Variants in LDLRAD4 observed in about 807,000 individuals in gnomAD.
LDLRAD4 encodes the protein low-density lipoprotein receptor class A domain-containing protein 4.
LDLRAD4 carries 5 observed loss-of-function variants against 17.0 expected under a neutral mutation model. The observed-to-expected ratio is 0.29, with a 90% CI of 0.15 to 0.62. The LOEUF (loss-of-function observed/expected upper bound fraction) is 0.62. LDLRAD4 is among the 20% of genes least tolerant of loss of function. The probability of loss-of-function intolerance (pLI) is 0.84; values close to 1 mark genes in which losing one functional copy is unlikely to be tolerated. For missense variants in LDLRAD4, 340 were observed against 424.7 expected, an observed-to-expected ratio of 0.80 and a Z score of 1.75; for synonymous variants, 168 against 171.8, an observed-to-expected ratio of 0.98 and a Z score of 0.17.
rs975314369 is a variant in LDLRAD4 at position 13,314,188 on chromosome 18, A to G, written c.-383+36000A>G. 1.2e-4 allele frequency among the ~76,000 whole-genome samples: 19 copies of G among 152,140 alleles called. 1 individual carries two copies. Among genetic ancestry groups the G allele is most frequent in the African/African-American group, 4.3e-4 (18 of 41,414 alleles). ...AGATAACTTAGTACGATTTATGGTG[A>G]TTTTGGCATGTTTCCTAATGGCTCT... is the stretch of plus-strand genomic sequence containing the variant. On this transcript the variant is annotated intron_variant, in intron 1 of 5. Coordinates refer to ENST00000359446, the Ensembl canonical transcript of LDLRAD4.
At chr18:13,224,458 GTTTC>G (rs1555621185) in intron 1 of LDLRAD4, among the ~76,000 whole-genome samples, 2 of 134,058 alleles carry the variant, frequency 1.5e-5, no homozygotes, top group African/African-American at 5.5e-5. Flanking sequence ...GAGCACTATA[GTTTC>G]TTTCTTTCTT....
intron 3 of LDLRAD4, among the ~76,000 whole-genome samples, chr18:13,472,879 T>C (rs898638358): frequency 6.6e-6 from 1 of 152,230 alleles, no homozygotes; most frequent in Non-Finnish European, 1.5e-5. Context: ...TTTTCTTGAG[T>C]AATGTGTAGA....
chr18:13,598,885 A>G (rs1451767428), intron 3 of LDLRAD4, among the ~76,000 whole-genome samples: 1 of 152,168 alleles, frequency 6.6e-6, no homozygotes, highest in Non-Finnish European at 1.5e-5. Context: ...GACACTGGGT[A>G]GAGGTAGTAG....
intron 3 of LDLRAD4, among the ~76,000 whole-genome samples, chr18:13,604,694 T>C (rs957636411): frequency 5.3e-5 from 8 of 152,136 alleles, no homozygotes; most frequent in Admixed American, 5.2e-4. Flanking sequence ...AAATAAAATA[T>C]TTTCCTGAGT....
At chr18:13,516,995 A>C (rs1373365864) in intron 3 of LDLRAD4, among the ~76,000 whole-genome samples, 11 of 152,158 alleles carry the variant, frequency 7.2e-5, no homozygotes. Context: ...GACTACAGGC[A>C]CATGCTGCCA....
Position 13,430,303 on chromosome 18 carries a change from C to T in LDLRAD4, c.41-7941C>T, listed in dbSNP as rs550305116. 1.4e-4 allele frequency among the ~76,000 whole-genome samples: 21 copies of T among 152,318 alleles called. No individual in the cohort carries two copies. The South Asian group carries it at 3.1e-3, about 23-fold the overall frequency. On this transcript the variant is annotated intron_variant, in intron 2 of 5. Transcript: ENST00000359446. Reference sequence around the variant, plus strand: ...AGTGGGCGACGTGGAGCTCCTGTTGCGCTTCATGATTGATGCTGCTTTCTC... The same window carrying T: ...AGTGGGCGACGTGGAGCTCCTGTTGTGCTTCATGATTGATGCTGCTTTCTC...
At chr18:13,329,172 C>T (rs554143289) in intron 1 of LDLRAD4, among the ~76,000 whole-genome samples, 37 of 152,206 alleles carry the variant, frequency 2.4e-4, no homozygotes, top group Admixed American at 3.9e-4. Context: ...GGATACATTC[C>T]CAGAAGTGAA....
At chr18:13,528,871 T>C (rs994100496) in intron 3 of LDLRAD4, among the ~76,000 whole-genome samples, 2 of 152,212 alleles carry the variant, frequency 1.3e-5, no homozygotes, top group Non-Finnish European at 2.9e-5. Context: ...CTGATTCTGA[T>C]GTTGGGAGTG....
At chr18:13,400,445 T>C (rs528044191) in intron 2 of LDLRAD4, among the ~76,000 whole-genome samples, 1 of 152,192 alleles carries the variant, frequency 6.6e-6, no homozygotes, top group Non-Finnish European at 1.5e-5. Context: ...CCACCTGTCA[T>C]GGCACTGGGA....
chr18:13,241,780 C>T (rs1004015842), intron 1 of LDLRAD4: 2 of 152,290 alleles, frequency 1.3e-5, no homozygotes, highest in East Asian at 3.8e-4. Context: ...ATCCTGCTTT[C>T]ACAGGGACAT....
chr18:13,237,331 T>G (rs2042387405), intron 1 of LDLRAD4, among the ~76,000 whole-genome samples: 1 of 152,204 alleles, frequency 6.6e-6, no homozygotes, highest in Non-Finnish European at 1.5e-5. Context: ...TCCTGGCTGC[T>G]TCCTCCTGTG....
intron 1 of LDLRAD4, among the ~76,000 whole-genome samples, chr18:13,253,418 A>C (rs2043331906): frequency 6.6e-6 from 1 of 152,198 alleles, no homozygotes; most frequent in Non-Finnish European, 1.5e-5. Flanking sequence ...ATATTTTAAA[A>C]GTCTTTTTCC....
intron 3 of LDLRAD4, among the ~76,000 whole-genome samples, chr18:13,439,583 C>T (rs938982703): frequency 1.1e-4 from 17 of 152,326 alleles, no homozygotes; most frequent in Non-Finnish European, 1.9e-4. Flanking sequence ...GTGTTTTGTG[C>T]GGTAGTCTCT....
chr18:13,552,710 G>A (rs1024168409), intron 3 of LDLRAD4, among the ~76,000 whole-genome samples: 2 of 152,186 alleles, frequency 1.3e-5, no homozygotes, highest in African/African-American at 2.4e-5. Context: ...TTTAGATGAT[G>A]CTGTTCTAGA....
chr18:13,499,166 G>A (rs758303443), intron 3 of LDLRAD4, among the ~76,000 whole-genome samples: 11 of 149,954 alleles, frequency 7.3e-5, no homozygotes, highest in Non-Finnish European at 1.5e-4. Context: ...ACGTCGCGCC[G>A]TGGACACTGG....
intron 3 of LDLRAD4, among the ~76,000 whole-genome samples, chr18:13,586,540 G>T (rs1229920189): frequency 1.3e-5 from 2 of 151,896 alleles, no homozygotes; most frequent in Non-Finnish European, 2.9e-5. Flanking sequence ...GAAGAGCCTA[G>T]GAGCCCTGAA....
At chr18:13,351,599 A>T (rs1436740468) in intron 1 of LDLRAD4, among the ~76,000 whole-genome samples, 1 of 152,146 alleles carries the variant, frequency 6.6e-6, no homozygotes, top group African/African-American at 2.4e-5. Context: ...GACCAATAAC[A>T]AGTTCTGAAA....
intron 2 of LDLRAD4, among the ~76,000 whole-genome samples, chr18:13,432,682 T>A (rs186947025): frequency 9.2e-5 from 14 of 152,312 alleles, no homozygotes; most frequent in Non-Finnish European, 1.8e-4. Flanking sequence ...TGTTTTGTGT[T>A]TTACTCATTA....
At chr18:13,629,377 C>CA (rs1452211198) in intron 4 of LDLRAD4, among the ~76,000 whole-genome samples, 3 of 152,310 alleles carry the variant, frequency 2.0e-5, no homozygotes, top group African/African-American at 7.2e-5. Flanking sequence ...GTCCGAGTTA[C>CA]AAACTGATCT....
Sources: gnomAD v4.1 joint callset for allele counts (sites outside exome capture counted in the v4.1 genomes callset) on GRCh38, gnomAD v4.1.1 for gene constraint, MANE v1.5 for transcripts, NCBI Gene and HGNC (gene_info 2026-07-23, HGNC 2026-07-21) for gene names.